CWH43: variants seen among roughly 807,000 people sequenced by gnomAD.
CWH43 encodes cell wall biogenesis 43 C-terminal homolog.
CWH43 carries 91 observed loss-of-function variants against 85.7 expected under a neutral mutation model. The ratio of observed to expected loss-of-function variants is 1.06; its 90% confidence interval spans 0.90 to 1.26. The LOEUF (loss-of-function observed/expected upper bound fraction) is 1.26, where lower values mean the gene tolerates loss of function less well. CWH43 is among the 50% of genes most tolerant of loss of function. The pLI, the probability that CWH43 is intolerant of heterozygous loss-of-function variation, is 0.00. For synonymous variants in CWH43, 323 were observed against 293.6 expected (o/e 1.10, Z -1.02); for missense variants, 869 against 839.2 (o/e 1.04, Z -0.44).
At chr4:49,033,541 G>T (rs1318970479) in intron 12 of CWH43, among the ~76,000 whole-genome samples, 1 of 152,166 alleles carries the variant, frequency 6.6e-6, no homozygotes, top group Non-Finnish European at 1.5e-5. Context: ...ACAAGCACGT[G>T]AAGTTAATTT....
In CWH43 at chr4:48,992,859, G is replaced by A. The variant is rs1199794772; in HGVS notation, c.511+769G>A. On this transcript the variant is annotated intron_variant, in intron 4 of 15. Transcript: ENST00000226432. The surrounding 1 kb of genome is among the most constrained non-coding windows in gnomAD (Gnocchi z 4.3). ...AAAGTGCTTGTATAATTCCCCCTGT[G>A]GCCCCTAGTTTGGCATGAAATGAGA... Among the ~76,000 whole-genome samples the A allele has an allele frequency of 2.0e-5, 3 of 152,148 alleles. No homozygotes were observed. The highest frequency in any genetic ancestry group is 2.9e-5 in the Non-Finnish European group (2 of 68,016).
chr4:49,025,866 G>C (rs1783900183), intron 9 of CWH43, among the ~76,000 whole-genome samples: 1 of 152,120 alleles, frequency 6.6e-6, no homozygotes, highest in African/African-American at 2.4e-5. Context: ...CATCAGCTGT[G>C]GTAGTATAGG....
chr4:49,039,336 G>GAT (rs1784374851), intron 13 of CWH43, among the ~76,000 whole-genome samples: 1 of 4,430 alleles, frequency 2.3e-4, no homozygotes, highest in Non-Finnish European at 6.0e-4. Flanking sequence ...TATATATACT[G>GAT]ATGTATATAT....
chr4:49,034,239 A>C (rs1784192997), intron 12 of CWH43, among the ~76,000 whole-genome samples: 1 of 152,164 alleles, frequency 6.6e-6, no homozygotes, highest in Admixed American at 6.5e-5. Flanking sequence ...AGGCATTCAG[A>C]AATCATTCCC....
intron 14 of CWH43, among the ~76,000 whole-genome samples, chr4:49,049,028 A>T (rs900654789): frequency 2.0e-5 from 3 of 152,270 alleles, no homozygotes; most frequent in African/African-American, 7.2e-5. Context: ...GGATTGTCAG[A>T]TTCTTCAGTT....
chr4:49,006,193 A>C (rs1220733561), intron 7 of CWH43, among the ~76,000 whole-genome samples: 1 of 152,174 alleles, frequency 6.6e-6, no homozygotes, highest in Non-Finnish European at 1.5e-5. Context: ...TGAGAAAAAA[A>C]CAAATGAAAG....
intron 6 of CWH43, among the ~76,000 whole-genome samples, chr4:48,999,132 T>C (rs561050670): frequency 6.6e-6 from 1 of 152,306 alleles, no homozygotes; most frequent in East Asian, 1.9e-4. Context: ...TTTGTGTCCA[T>C]GTGCTCTCAT....
At chr4:49,054,154 T>C (rs1221622287) in intron 15 of CWH43, among the ~76,000 whole-genome samples, 1 of 152,264 alleles carries the variant, frequency 6.6e-6, no homozygotes. Flanking sequence ...AGCCCAAAAA[T>C]CTTTAATCTA....
chr4:48,997,778 G>C (rs545288125), intron 5 of CWH43, among the ~76,000 whole-genome samples: 1 of 152,264 alleles, frequency 6.6e-6, no homozygotes, highest in Admixed American at 6.5e-5. Context: ...AGGCACATGA[G>C]AATTAAATGA....
In CWH43 at chr4:49,030,974, G is replaced by T; in HGVS notation, c.1508+14G>T. On this transcript the variant is annotated intron_variant, in intron 11 of 15. Transcript: ENST00000226432. ...TCACACTTGGGGGTGAGTATACCTT[G>T]GGAGTTAATCCCGAAGATAGTCATG... 1 of 1,563,802 alleles carries T rather than the reference G, an allele frequency of 6.4e-7. No homozygotes were observed. The highest frequency in any genetic ancestry group is 8.6e-7 in the Non-Finnish European group (1 of 1,162,092).
At chr4:49,035,529 G>T (rs1470679123) in intron 12 of CWH43, among the ~76,000 whole-genome samples, 2 of 152,202 alleles carry the variant, frequency 1.3e-5, no homozygotes, top group Non-Finnish European at 2.9e-5. Flanking sequence ...CTATGTTCTA[G>T]ATTTGGTTCC....
At position 49,030,818 on chromosome 4, in the gene CWH43, TGAACA is replaced by T; in HGVS notation, c.1373-5_1373-1del. 4.5e-6 allele frequency: 7 copies of T among 1,557,876 alleles called. No individual in the cohort carries two copies. In the Admixed American group the frequency reaches 8.6e-5, roughly 19 times the overall value. On this transcript the variant is annotated splice_acceptor_variant and splice_polypyrimidine_tract_variant and intron_variant, in intron 10 of 15. Coordinates refer to ENST00000226432, the MANE Select transcript of CWH43 (RefSeq NM_025087.3). LOFTEE classifies it high-confidence loss of function. ...TCACTGTATGCTACTTTTTTTTTTC[TGAACA>T]GGTGCAGATTTCATAACAATTTTGG...
intron 14 of CWH43, among the ~76,000 whole-genome samples, 187 bp downstream of exon 14, chr4:49,045,034 T>C (rs1024338130): frequency 6.6e-6 from 1 of 152,166 alleles, no homozygotes; most frequent in African/African-American, 2.4e-5. Flanking sequence ...AGTCTCATAA[T>C]TTACAAAAGT....
At chr4:49,006,874 G>T (rs1442613072) in intron 7 of CWH43, among the ~76,000 whole-genome samples, 1 of 152,156 alleles carries the variant, frequency 6.6e-6, no homozygotes, top group Non-Finnish European at 1.5e-5. Context: ...GAGCTCAGAA[G>T]ACTTCACTGT....
At chr4:49,041,405 C>G (rs1004172966) in intron 13 of CWH43, among the ~76,000 whole-genome samples, 46 of 152,074 alleles carry the variant, frequency 3.0e-4, no homozygotes, top group Non-Finnish European at 5.0e-4. Context: ...TTGTTTGTAT[C>G]CTCTTTTATT....
intron 4 of CWH43, among the ~76,000 whole-genome samples, chr4:48,994,237 C>T (rs1388261871): frequency 6.6e-6 from 1 of 152,184 alleles, no homozygotes; most frequent in Non-Finnish European, 1.5e-5. Context: ...AGATGAGAGC[C>T]CTGTTCTTTG....
In CWH43 at chr4:49,050,807, T is replaced by C. The variant is rs775508919; in HGVS notation, c.1979T>C (p.Ile660Thr). ...TATAGAGACAACCAGAAAGTGGTCATAGACCACAGAGAAGTTTCTGAGAAA... is the reference window on the plus strand; with the variant it reads ...TATAGAGACAACCAGAAAGTGGTCACAGACCACAGAGAAGTTTCTGAGAAA... ...TNYRDNQKVV[I>T]DHREVSEKIH... Residue 660 changes from isoleucine to threonine, a missense_variant, in exon 15 of 16, where the codon ATA becomes ACA. Transcript: ENST00000226432. 6.2e-7 allele frequency: 1 copy of C among 1,612,372 alleles called. No homozygotes were observed. Among genetic ancestry groups the C allele is most frequent in the South Asian group, 1.1e-5 (1 of 90,958 alleles).
At chr4:49,058,868 C>T (rs1785051614) in intron 15 of CWH43, among the ~76,000 whole-genome samples, 1 of 152,068 alleles carries the variant, frequency 6.6e-6, no homozygotes, top group Admixed American at 6.5e-5. Context: ...TTTCTCTTTG[C>T]TTTTCTCTTG....
intron 12 of CWH43, among the ~76,000 whole-genome samples, chr4:49,036,155 G>C (rs144332213): frequency 6.6e-6 from 1 of 152,272 alleles, no homozygotes; most frequent in African/African-American, 2.4e-5. Context: ...AGAGGGACTG[G>C]GGAAGGAATC....
Sources: allele counts gnomAD v4.1 joint callset (sites outside exome capture counted in the v4.1 genomes callset), GRCh38; gene constraint gnomAD v4.1.1; non-coding constraint Gnocchi (gnomAD v3.1); transcripts MANE v1.5; gene names NCBI Gene and HGNC (gene_info 2026-07-23, HGNC 2026-07-21).